The following CCDC102B variants were observed in gnomAD, a reference collection of about 807,000 sequenced individuals.
CCDC102B encodes the protein coiled-coil domain containing 102B.
CCDC102B carries 75 observed loss-of-function variants against 57.4 expected under a neutral mutation model. That is an observed-to-expected ratio of 1.31 (90% CI 1.08 to 1.58). CCDC102B has a LOEUF of 1.58. Ranked by LOEUF, CCDC102B falls within the 40% of genes most tolerant of loss-of-function variation. CCDC102B has a pLI of 0.00. For missense variants in CCDC102B, 636 were observed against 582.6 expected (o/e 1.09, Z -0.94); for synonymous variants, 206 against 201.9 (o/e 1.02, Z -0.17).
chr18:68,870,604 CTG>C (rs1038457721), intron 4 of CCDC102B, among the ~76,000 whole-genome samples: 1 of 152,144 alleles, frequency 6.6e-6, no homozygotes, highest in Non-Finnish European at 1.5e-5. Context: ...AGAGATGTCT[CTG>C]TGGAGACATG....
Position 69,016,303 on chromosome 18 carries a change from T to C in CCDC102B, c.1434+5199T>C, listed in dbSNP as rs1272399975. Among the ~76,000 whole-genome samples, 3 of 152,102 alleles carry C rather than the reference T, an allele frequency of 2.0e-5. No individual in the cohort carries two copies. The East Asian group carries it at 5.8e-4, about 29-fold the overall frequency. The stretch of plus-strand genomic sequence containing the variant: ...TATAATAATGCAATAAGCAAAACTT[T>C]TAGAAAAAGGAACCTAAACTGAAAT... On this transcript the variant is annotated intron_variant, in intron 7 of 7. Transcript: ENST00000360242.
At chr18:68,729,558 C>T (rs2032764620) in intron 2 of CCDC102B, among the ~76,000 whole-genome samples, 3 of 152,118 alleles carry the variant, frequency 2.0e-5, no homozygotes, top group South Asian at 4.1e-4. Context: ...TTGGAGAAAA[C>T]TGGAGAAAAG....
intron 4 of CCDC102B, among the ~76,000 whole-genome samples, chr18:68,862,621 G>C (rs893487514): frequency 6.6e-6 from 1 of 152,048 alleles, no homozygotes; most frequent in Admixed American, 6.6e-5. Context: ...CTATGTCAAA[G>C]AGTAATAATG....
chr18:68,765,371 AAGAAAGAAAAG>A (rs2034426431), intron 2 of CCDC102B, among the ~76,000 whole-genome samples: 2 of 147,836 alleles, frequency 1.4e-5, no homozygotes, highest in African/African-American at 2.6e-5. Flanking sequence ...GAAAGAAAGA[AAGAAAGAAAAG>A]AAAGAAAGAA....
At chr18:68,946,153 G>T (rs1005462117) in intron 6 of CCDC102B, among the ~76,000 whole-genome samples, 9 of 151,928 alleles carry the variant, frequency 5.9e-5, no homozygotes, top group Non-Finnish European at 8.8e-5. Context: ...AGTTCTATCA[G>T]CTAGACAAAA....
intron 6 of CCDC102B, among the ~76,000 whole-genome samples, chr18:68,958,475 G>A (rs999912689): frequency 2.0e-5 from 3 of 151,966 alleles, no homozygotes; most frequent in Non-Finnish European, 4.4e-5. Context: ...TGTTTTTTTA[G>A]ATGTATCATT....
At chr18:69,038,357 T>C (rs1294895476) in intron 7 of CCDC102B, among the ~76,000 whole-genome samples, 2 of 151,640 alleles carry the variant, frequency 1.3e-5, no homozygotes, top group Middle Eastern at 3.4e-3. Flanking sequence ...AAATGTTTTG[T>C]GTGTTTCTGA....
At chr18:68,865,116 T>C (rs1313222303) in intron 4 of CCDC102B, among the ~76,000 whole-genome samples, 2 of 152,098 alleles carry the variant, frequency 1.3e-5, no homozygotes, top group African/African-American at 4.8e-5. Flanking sequence ...ACAAGCCTCT[T>C]CTATTCACTC....
At position 68,749,425 on chromosome 18, in the gene CCDC102B, A is replaced by C. The variant is rs538828696; in HGVS notation, c.-67+32831A>C. 5.3e-5 allele frequency among the ~76,000 whole-genome samples: 8 copies of C among 152,234 alleles called. No individual in the cohort carries two copies. In the South Asian group the frequency reaches 1.7e-3, roughly 32 times the overall value. On this transcript the variant is annotated intron_variant, in intron 2 of 3. Coordinates refer to the CCDC102B transcript ENST00000578970. ...ATCCATGAGCATGGAATGTTCTTCCATTTGTTTGTGTCCTCTTCTATTTCA... is the reference window on the plus strand; with the variant it reads ...ATCCATGAGCATGGAATGTTCTTCCCTTTGTTTGTGTCCTCTTCTATTTCA...
At chr18:68,909,612 T>C (rs1213771974) in intron 6 of CCDC102B, among the ~76,000 whole-genome samples, 1 of 152,192 alleles carries the variant, frequency 6.6e-6, no homozygotes, top group East Asian at 1.9e-4. Context: ...ATGAAAAAAC[T>C]CTGATATTGA....
intron 2 of CCDC102B, among the ~76,000 whole-genome samples, chr18:68,735,310 C>T (rs886888195): frequency 4.6e-5 from 7 of 152,142 alleles, no homozygotes; most frequent in Admixed American, 2.0e-4. Context: ...CTGCCTGCCT[C>T]GGCCTCCCAA....
upstream of CCDC102B, among the ~76,000 whole-genome samples, chr18:68,794,096 A>G (rs2035552333): frequency 6.6e-6 from 1 of 152,138 alleles, no homozygotes; most frequent in Non-Finnish European, 1.5e-5. Context: ...GACATAGGAG[A>G]AACCTGATGA....
upstream of CCDC102B, among the ~76,000 whole-genome samples, chr18:68,795,094 AAG>A (rs1325140388): frequency 1.5e-4 from 23 of 151,936 alleles, no homozygotes; most frequent in African/African-American, 5.3e-4. Flanking sequence ...AGATAAAGTG[AAG>A]AGAGAGGTTT....
chr18:68,863,876 G>A (rs2038864159), intron 4 of CCDC102B, among the ~76,000 whole-genome samples: 1 of 151,904 alleles, frequency 6.6e-6, no homozygotes, highest in African/African-American at 2.4e-5. Flanking sequence ...TGACGTATTA[G>A]TAATAATACA....
At chr18:68,746,734 T>G (rs562348453) in intron 2 of CCDC102B, among the ~76,000 whole-genome samples, 3 of 151,546 alleles carry the variant, frequency 2.0e-5, no homozygotes, top group African/African-American at 7.3e-5. Context: ...GTTATCATCT[T>G]TTTTTTTTAA....
At chr18:68,906,344 T>C (rs1451834509) in intron 6 of CCDC102B, among the ~76,000 whole-genome samples, 1 of 152,306 alleles carries the variant, frequency 6.6e-6, no homozygotes, top group African/African-American at 2.4e-5. Flanking sequence ...TATCTAGGTG[T>C]AGAGTTGCTG....
intron 6 of CCDC102B, among the ~76,000 whole-genome samples, chr18:68,944,708 A>G (rs2049483002): frequency 1.3e-5 from 2 of 152,024 alleles, no homozygotes; most frequent in Admixed American, 1.3e-4. Context: ...AATAATAATA[A>G]TAAACATGAG....
At chr18:68,923,061 CCT>C (rs1399424860) in intron 6 of CCDC102B, among the ~76,000 whole-genome samples, 2 of 151,928 alleles carry the variant, frequency 1.3e-5, no homozygotes, top group Non-Finnish European at 2.9e-5. Flanking sequence ...TTCAAAAGCC[CCT>C]GTTTCCTCCT....
intron 7 of CCDC102B, among the ~76,000 whole-genome samples, chr18:69,050,526 T>C (rs2052679157): frequency 6.6e-6 from 1 of 152,182 alleles, no homozygotes; most frequent in African/African-American, 2.4e-5. Context: ...CACATTAATT[T>C]TCATTGTCCT....
Sources: gnomAD v4.1 joint callset for allele counts (sites outside exome capture counted in the v4.1 genomes callset) on GRCh38, gnomAD v4.1.1 for gene constraint, MANE v1.5 for transcripts, NCBI Gene and HGNC (gene_info 2026-07-23, HGNC 2026-07-21) for gene names.